The following PTPRA variants were observed in gnomAD, a reference collection of about 807,000 sequenced individuals.
PTPRA encodes protein tyrosine phosphatase receptor type A.
Under a neutral mutation model 104.8 loss-of-function variants are expected in PTPRA, and 25 were observed. The ratio of observed to expected loss-of-function variants is 0.24; its 90% CI spans 0.17 to 0.33. The LOEUF (loss-of-function observed/expected upper bound fraction) is 0.33. Among genes scored for constraint, PTPRA ranks in the 10% least tolerant of loss-of-function variants. The pLI is 1.00. For missense variants in PTPRA, 765 were observed against 1,015.3 expected (o/e 0.75, Z 3.35); for synonymous variants, 323 against 368.9 (o/e 0.88, Z 1.43).
intron 1 of PTPRA, among the ~76,000 whole-genome samples, chr20:2,917,325 G>A (rs569063917): frequency 1.3e-5 from 2 of 152,148 alleles, no homozygotes; most frequent in East Asian, 3.9e-4. Context: ...CTTGTTCTTG[G>A]AGGTAGATTT....
chr20:2,980,485 C>T (rs754866984), intron 6 of PTPRA, among the ~76,000 whole-genome samples: 9 of 151,802 alleles, frequency 5.9e-5, no homozygotes, highest in South Asian at 2.1e-4. Flanking sequence ...ACCAGGAGGC[C>T]GTTGCAGTGA....
chr20:3,038,399 G>A lies in PTPRA; in HGVS notation c.*266G>A, dbSNP rs1568714568. On this transcript the variant is annotated 3_prime_UTR_variant, in exon 24 of 24. Coordinates refer to ENST00000399903, the MANE Select transcript of PTPRA (RefSeq NM_001385305.1). ...CAGCCGAGAAATTGGGCTGGATTGT[G>A]CTTTGGTTAATACATCTTTCCCTAA... 2.6e-6 allele frequency: 1 copy of A among 388,386 alleles called. No individual in the cohort carries two copies. The highest frequency in any genetic ancestry group is 2.1e-5 in the African/African-American group (1 of 47,442). 24.1% of individuals were successfully genotyped at this position (388,386 alleles called of 1,614,324 possible).
At chr20:2,933,862 A>G (rs1345893613) in intron 2 of PTPRA, among the ~76,000 whole-genome samples, 1 of 152,148 alleles carries the variant, frequency 6.6e-6, no homozygotes, top group African/African-American at 2.4e-5. Context: ...TAAATATCTT[A>G]TGTATTAGAA....
At chr20:2,992,678 A>T (rs1286422530) in intron 9 of PTPRA, among the ~76,000 whole-genome samples, 2 of 24,824 alleles carry the variant, frequency 8.1e-5, no homozygotes, top group East Asian at 0.01. Flanking sequence ...TCCATATCCA[A>T]ATATTACGAT....
At chr20:2,979,993 A>T (rs2062604061) in intron 6 of PTPRA, among the ~76,000 whole-genome samples, 2 of 151,464 alleles carry the variant, frequency 1.3e-5, no homozygotes, top group South Asian at 4.2e-4. Context: ...GTTCACCGCA[A>T]CCTCTGCCTT....
chr20:2,880,685 C>T (rs1004010548), intron 1 of PTPRA, among the ~76,000 whole-genome samples: 1 of 152,120 alleles, frequency 6.6e-6, no homozygotes, highest in Non-Finnish European at 1.5e-5. Context: ...AACTTTCGTG[C>T]TCTGTCATTA....
chr20:2,960,279 T>A (rs369851170), intron 3 of PTPRA, among the ~76,000 whole-genome samples: 5 of 148,580 alleles, frequency 3.4e-5, no homozygotes, highest in Admixed American at 2.7e-4. Context: ...AGACGGAGTC[T>A]CACTCTGTCC....
chr20:3,011,935 T>C (rs537371586), intron 11 of PTPRA, among the ~76,000 whole-genome samples: 1 of 152,224 alleles, frequency 6.6e-6, no homozygotes, highest in Non-Finnish European at 1.5e-5. Flanking sequence ...ACTACCGTGC[T>C]TGCCCAAAGA....
At chr20:2,910,827 G>C (rs192973730) in intron 1 of PTPRA, among the ~76,000 whole-genome samples, 2 of 150,726 alleles carry the variant, frequency 1.3e-5, no homozygotes, top group Non-Finnish European at 3.0e-5. Flanking sequence ...GGATGGTCTC[G>C]ATCTCCGGAC....
At position 3,037,936 on chromosome 20, in the gene PTPRA, A is replaced by G; in HGVS notation, c.2335-123A>G. 1 of 822,770 alleles carries G rather than the reference A, an allele frequency of 1.2e-6. No homozygotes were observed. Among genetic ancestry groups the G allele is most frequent in the Non-Finnish European group, 2.0e-6 (1 of 500,624 alleles). The allele number at this position is 822,770 out of a possible 1,614,324, so 51.0% of individuals were successfully genotyped here. A position where few individuals can be genotyped will look rare whatever the true frequency, so the allele number is the denominator to read the frequency against. On this transcript the variant is annotated intron_variant, in intron 23 of 23. Coordinates refer to ENST00000399903, the MANE Select transcript of PTPRA (RefSeq NM_001385305.1). This position sits in a 1 kb window ranked among gnomAD's most constrained non-coding sequence, Gnocchi z 4.3. ...GCAGGCAGATCAGAGCTCAGGTGAA[A>G]GTTCAAAAACATTCAGTTCCTCTTG...
intron 6 of PTPRA, among the ~76,000 whole-genome samples, chr20:2,975,855 A>G (rs1045585555): frequency 2.0e-5 from 3 of 152,082 alleles, no homozygotes; most frequent in Non-Finnish European, 4.4e-5. Flanking sequence ...GAAAGAGATC[A>G]TCTAACATTC....
Position 2,964,359 on chromosome 20 carries a change from T to C in PTPRA, c.73+9T>C, listed in dbSNP as rs777323109. 1 of 1,580,098 alleles carries C rather than the reference T, an allele frequency of 6.3e-7. No homozygotes were observed. Among genetic ancestry groups the C allele is most frequent in the Non-Finnish European group, 8.6e-7 (1 of 1,161,512 alleles). ...CAACAATGCTACCACAGGTAAATTGTCATTTGATAAGGCTGCTATTTGAAA... is the reference window on the plus strand; with the variant it reads ...CAACAATGCTACCACAGGTAAATTGCCATTTGATAAGGCTGCTATTTGAAA... On this transcript the variant is annotated intron_variant, in intron 4 of 23. Coordinates refer to ENST00000399903, the MANE Select transcript of PTPRA (RefSeq NM_001385305.1).
At chr20:2,885,288 C>T (rs2090317895) in intron 1 of PTPRA, among the ~76,000 whole-genome samples, 1 of 152,132 alleles carries the variant, frequency 6.6e-6, no homozygotes, top group African/African-American at 2.4e-5. Flanking sequence ...TCCTTAATGA[C>T]TCATGATCTG....
intron 10 of PTPRA, among the ~76,000 whole-genome samples, chr20:3,006,330 G>A (rs893819083): frequency 5.9e-5 from 9 of 151,964 alleles, no homozygotes; most frequent in African/African-American, 1.9e-4. Flanking sequence ...AGAACTACAG[G>A]TGCATCTACC....
chr20:2,911,295 G>C (rs2059715099), intron 1 of PTPRA, among the ~76,000 whole-genome samples: 1 of 151,964 alleles, frequency 6.6e-6, no homozygotes, highest in African/African-American at 2.4e-5. Context: ...TTTTTTTCTT[G>C]CTCTGAGTGA....
At chr20:2,898,098 TA>T (rs1324370848) in intron 1 of PTPRA, among the ~76,000 whole-genome samples, 4 of 151,442 alleles carry the variant, frequency 2.6e-5, no homozygotes, top group East Asian at 3.9e-4. Flanking sequence ...TTTTTGTTTT[TA>T]TTTTTTTTAT....
intron 11 of PTPRA, among the ~76,000 whole-genome samples, chr20:3,011,204 A>G (rs1238758746): frequency 6.6e-6 from 1 of 152,256 alleles, no homozygotes; most frequent in African/African-American, 2.4e-5. Context: ...GAAGAGGGTT[A>G]AATGGGGGAC....
At chr20:2,892,331 G>A (rs528380141) in intron 1 of PTPRA, among the ~76,000 whole-genome samples, 1 of 150,432 alleles carries the variant, frequency 6.6e-6, no homozygotes. Context: ...CCAACTGTAT[G>A]TAATTTACTG....
rs1041889077 is a variant in PTPRA, at chr20:2,982,977, C to T, written c.443-3788C>T. Among the ~76,000 whole-genome samples the T allele has an allele frequency of 2.6e-5, 4 of 152,276 alleles. No individual in the cohort carries two copies. The South Asian group carries it at 8.3e-4, about 32-fold the overall frequency. ...CTTCCCAAAGTGCTGGGATTGCAGG[C>T]GTGAGCCACTGTGCCTGGCCGTAAC... On this transcript the variant is annotated intron_variant, in intron 6 of 23. Transcript: ENST00000399903.
Sources: allele counts gnomAD v4.1 joint callset (sites outside exome capture counted in the v4.1 genomes callset), GRCh38; gene constraint gnomAD v4.1.1; non-coding constraint Gnocchi (gnomAD v3.1); transcripts MANE v1.5; gene names NCBI Gene and HGNC (gene_info 2026-07-23, HGNC 2026-07-21).